KANK1: variants seen among roughly 807,000 people sequenced by gnomAD.
KANK1 encodes KN motif and ankyrin repeat domain-containing protein 1.
Under a neutral mutation model 106.2 loss-of-function variants are expected in KANK1, and 109 were observed. The ratio of observed to expected loss-of-function variants is 1.03; its 90% CI spans 0.88 to 1.20. The LOEUF is 1.20. KANK1 is among the 50% of genes most tolerant of loss of function. The pLI is 0.00. For missense variants in KANK1, 2,399 were observed against 1,710.7 expected, an observed-to-expected ratio of 1.40 and a Z score of -7.10; for synonymous variants, 873 against 652.2, an observed-to-expected ratio of 1.34 and a Z score of -5.16.
chr9:507,185 T>C lies in KANK1; in HGVS notation c.-84+2431T>C, dbSNP rs1473834563. On this transcript the variant is annotated intron_variant, in intron 1 of 11. Transcript: ENST00000382297. ...AACATTGACATAGCGAGACTCCGTC[T>C]CTACAAAAAAAATAAAAAATAACCG... is the stretch of plus-strand genomic sequence containing the variant. Among the ~76,000 whole-genome samples, 4 of 151,074 alleles carry C rather than the reference T, an allele frequency of 2.6e-5. No homozygotes were observed. The South Asian group carries it at 6.3e-4, about 24-fold the overall frequency.
chr9:528,925 G>A (rs894444141), intron 1 of KANK1, among the ~76,000 whole-genome samples: 7 of 151,846 alleles, frequency 4.6e-5, no homozygotes, highest in African/African-American at 7.3e-5. Flanking sequence ...TCAGCCTCCC[G>A]AGTAGCTGGG....
At chr9:637,445 C>T (rs1231624257) in intron 1 of KANK1, among the ~76,000 whole-genome samples, 3 of 152,162 alleles carry the variant, frequency 2.0e-5, no homozygotes, top group African/African-American at 7.2e-5. Context: ...AGTAGTGTTT[C>T]TTGCAGCAAA....
chr9:473,642 G>A (rs2058056401), intron 3 of KANK1, among the ~76,000 whole-genome samples: 1 of 152,120 alleles, frequency 6.6e-6, no homozygotes, highest in Non-Finnish European at 1.5e-5. Context: ...ACAAACCACA[G>A]GCACCTGTGA....
At chr9:648,960 A>ATTGTATTCTG (rs1441645818) in intron 1 of KANK1, among the ~76,000 whole-genome samples, 2 of 152,118 alleles carry the variant, frequency 1.3e-5, no homozygotes, top group Non-Finnish European at 2.9e-5. Context: ...TATTATTAGG[A>ATTGTATTCTG]GACTCTCATT....
At chr9:690,245 G>A (rs940565600) in intron 2 of KANK1, among the ~76,000 whole-genome samples, 1 of 150,414 alleles carries the variant, frequency 6.6e-6, no homozygotes, top group Non-Finnish European at 1.5e-5. Context: ...GGCAGAGGTT[G>A]CAGTGAGCCG....
At chr9:551,248 A>G (rs1324573836) in intron 1 of KANK1, among the ~76,000 whole-genome samples, 3 of 151,506 alleles carry the variant, frequency 2.0e-5, no homozygotes, top group Non-Finnish European at 4.4e-5. Flanking sequence ...AGACACACAC[A>G]TTTGCCTGTT....
At chr9:643,861 C>T (rs1341656645) in intron 1 of KANK1, among the ~76,000 whole-genome samples, 1 of 150,188 alleles carries the variant, frequency 6.7e-6, no homozygotes, top group Non-Finnish European at 1.5e-5. Flanking sequence ...TGCTACTGTG[C>T]CCGGCTAATT....
intron 1 of KANK1, among the ~76,000 whole-genome samples, chr9:511,957 G>A (rs1214566909): frequency 3.9e-5 from 6 of 152,178 alleles, no homozygotes; most frequent in Non-Finnish European, 5.9e-5. Flanking sequence ...GTTGACTGAG[G>A]TCATTCCCTG....
chr9:701,650 A>C (rs1422678511), intron 2 of KANK1, among the ~76,000 whole-genome samples: 1 of 152,090 alleles, frequency 6.6e-6, no homozygotes, highest in Admixed American at 6.6e-5. Flanking sequence ...GGCATTGCCA[A>C]ATGTCCCTTC....
At chr9:651,381 A>T (rs1357757282) in intron 1 of KANK1, among the ~76,000 whole-genome samples, 1 of 152,172 alleles carries the variant, frequency 6.6e-6, no homozygotes, top group African/African-American at 2.4e-5. Flanking sequence ...TGGCTGTGTT[A>T]ATTTCTGCTT....
intron 2 of KANK1, among the ~76,000 whole-genome samples, chr9:709,672 A>G (rs551455764): frequency 2.7e-5 from 4 of 149,110 alleles, no homozygotes; most frequent in Non-Finnish European, 4.4e-5. Flanking sequence ...CTAGAATGCA[A>G]TGGTGTGACC....
chr9:698,272 G>A lies in KANK1; in HGVS notation c.38-12532G>A, dbSNP rs1443446305. The stretch of plus-strand genomic sequence containing the variant: ...CAGTCCTTGCTCTTCCCATCCTAGA[G>A]TTTCAAACACAGAGCGAGTCTGTGT... On this transcript the variant is annotated intron_variant, in intron 2 of 11. Transcript: ENST00000382297. 1.8e-4 allele frequency among the ~76,000 whole-genome samples: 27 copies of A among 152,018 alleles called. 1 individual carries two copies. The highest frequency in any genetic ancestry group is 1.7e-3 in the Admixed American group (26 of 15,264).
intron 1 of KANK1, among the ~76,000 whole-genome samples, chr9:653,194 GTCC>G (rs1841310005): frequency 6.6e-6 from 1 of 152,172 alleles, no homozygotes; most frequent in African/African-American, 2.4e-5. Context: ...CATTAGGGCT[GTCC>G]TAGTCTGGAC....
chr9:545,057 G>A (rs556015187), intron 1 of KANK1, among the ~76,000 whole-genome samples: 16 of 150,140 alleles, frequency 1.1e-4, no homozygotes, highest in African/African-American at 2.5e-4. Context: ...GACAAATGGC[G>A]GCTGAGGAGG....
chr9:659,893 G>C (rs1842925258), intron 1 of KANK1: 1 of 162,164 alleles, frequency 6.2e-6, no homozygotes, highest in African/African-American at 2.4e-5. Context: ...GAAGAGGCCC[G>C]AGTCACTGAG....
chr9:713,241 C>T lies in KANK1; in HGVS notation c.2475C>T (p.His825=), dbSNP rs1465149483. Residue 825 remains histidine (H), a synonymous_variant, in exon 3 of 12, where the codon CAC becomes CAT. Coordinates refer to ENST00000382297, the MANE Select transcript of KANK1 (RefSeq NM_015158.5). ...APLGMMTGLD[H]YIERIQKLLA... Reference sequence around the variant, plus strand: ...TTGGAATGATGACTGGCCTGGATCACTACATTGAGCGTATCCAGAAGCTGC... The same window carrying T: ...TTGGAATGATGACTGGCCTGGATCATTACATTGAGCGTATCCAGAAGCTGC... 1.2e-6 allele frequency: 2 copies of T among 1,607,308 alleles called. No homozygotes were observed. The highest frequency in any genetic ancestry group is 1.7e-6 in the Non-Finnish European group (2 of 1,177,070).
At chr9:550,588 C>T (rs987391817) in intron 1 of KANK1, among the ~76,000 whole-genome samples, 11 of 152,198 alleles carry the variant, frequency 7.2e-5, no homozygotes, top group South Asian at 2.1e-4. Flanking sequence ...GCCTCAGCAA[C>T]AGAGGGAGAC....
At chr9:648,998 C>A (rs1165853121) in intron 1 of KANK1, among the ~76,000 whole-genome samples, 1 of 152,144 alleles carries the variant, frequency 6.6e-6, no homozygotes, top group African/African-American at 2.4e-5. Flanking sequence ...GGCATTTATA[C>A]TAAGTGGCGA....
At chr9:723,155 A>G (rs1173948824) in intron 3 of KANK1, among the ~76,000 whole-genome samples, 1 of 152,140 alleles carries the variant, frequency 6.6e-6, no homozygotes, top group Non-Finnish European at 1.5e-5. Context: ...CTCTGAACAG[A>G]ATGGACAGAG....
Sources: allele counts gnomAD v4.1 joint callset (sites outside exome capture counted in the v4.1 genomes callset), GRCh38; gene constraint gnomAD v4.1.1; transcripts MANE v1.5; gene names NCBI Gene and HGNC (gene_info 2026-07-23, HGNC 2026-07-21).